The following ZNF366 variants were observed in gnomAD, a reference collection of about 807,000 sequenced individuals.
ZNF366 encodes the protein zinc finger protein 366, also known as dendritic cell-specific transcript protein.
ZNF366 carries 20 observed loss-of-function variants against 47.2 expected under a neutral mutation model. The ratio of observed to expected loss-of-function variants is 0.42; its 90% CI spans 0.30 to 0.62. The LOEUF (loss-of-function observed/expected upper bound fraction) is 0.62. Ranked by LOEUF, ZNF366 falls within the 20% of genes least tolerant of loss-of-function variation. ZNF366 has a pLI of 0.16. For missense variants in ZNF366, 987 were observed against 976.3 expected, an observed-to-expected ratio of 1.01 and a Z score of -0.15; for synonymous variants, 421 against 395.1, an observed-to-expected ratio of 1.07 and a Z score of -0.78.
chr5:72,447,525 A>T, intron 3 of ZNF366, 108 bp from the exon 4 acceptor site: 1 of 1,320,818 alleles, frequency 7.6e-7, no homozygotes, highest in South Asian at 1.5e-5. Flanking sequence ...TTGACATTTT[A>T]ATCTGCTTGC....
intron 1 of ZNF366, among the ~76,000 whole-genome samples, chr5:72,485,622 C>T (rs1485692770): frequency 1.3e-5 from 2 of 152,202 alleles, no homozygotes; most frequent in Non-Finnish European, 2.9e-5. Context: ...CCTTGGGCTC[C>T]TGTCTGCTCA....
intron 3 of ZNF366, among the ~76,000 whole-genome samples, chr5:72,455,523 C>T (rs1487951169): frequency 6.6e-6 from 1 of 152,142 alleles, no homozygotes; most frequent in South Asian, 2.1e-4. Context: ...GACACTTGGC[C>T]AGTACATCAC....
chr5:72,460,262 A>T lies in ZNF366; in HGVS notation c.1235T>A (p.Met412Lys). 6.2e-7 allele frequency: 1 copy of T among 1,614,118 alleles called. No individual in the cohort carries two copies. The highest frequency in any genetic ancestry group is 8.5e-7 in the Non-Finnish European group (1 of 1,179,986). Residue 412 changes from methionine (M) to lysine (K), a missense_variant, in exon 2 of 5, where the codon ATG (methionine) becomes AAG (lysine). Met to Lys is a moderately conservative substitution (Grantham distance 95, BLOSUM62 -1). Transcript: ENST00000318442. Reference protein sequence around the residue: ...FQYPSQLQNHMMKHKDIRPYI... With the variant: ...FQYPSQLQNHKMKHKDIRPYI... ...GGGCCGGATGTCCTTGTGCTTCATC[A>T]TGTGGTTCTGCAGCTGGCTCGGGTA...
chr5:72,454,725 C>A (rs960704731), intron 3 of ZNF366, among the ~76,000 whole-genome samples: 11 of 152,188 alleles, frequency 7.2e-5, no homozygotes, highest in African/African-American at 2.7e-4. Context: ...TGAAGAATGG[C>A]AAAGAGACCT....
At chr5:72,506,263 C>T (rs557264940) in intron 1 of ZNF366, among the ~76,000 whole-genome samples, 1 of 152,336 alleles carries the variant, frequency 6.6e-6, no homozygotes, top group South Asian at 2.1e-4. Context: ...TATTGGGAAA[C>T]ATAACGAGTC....
Position 72,443,645 on chromosome 5 carries a change from T to C in ZNF366, c.*111A>G. The stretch of plus-strand genomic sequence containing the variant: ...TCCCTGCTCATTTAGTCTAAGCCAT[T>C]TGTAGAGATTGGTACTATTCGCCAG... On this transcript the variant is annotated 3_prime_UTR_variant, in exon 5 of 5. Transcript: ENST00000318442. The C allele has an allele frequency of 8.4e-7, 1 of 1,193,406 alleles. No homozygotes were observed. Among genetic ancestry groups the C allele is most frequent in the Non-Finnish European group, 1.2e-6 (1 of 865,530 alleles). 73.9% of individuals were successfully genotyped at this position (1,193,406 alleles called of 1,614,324 possible). A position where few individuals can be genotyped will look rare whatever the true frequency, so the allele number is the denominator to read the frequency against.
At chr5:72,494,273 T>C (rs1210786166) in intron 1 of ZNF366, 2 of 152,216 alleles carry the variant, frequency 1.3e-5, no homozygotes, top group African/African-American at 2.4e-5. Flanking sequence ...TTACTCTGTC[T>C]GAGCTGTAGT....
chr5:72,480,359 T>G (rs1368944438), intron 1 of ZNF366, among the ~76,000 whole-genome samples: 1 of 152,344 alleles, frequency 6.6e-6, no homozygotes, highest in East Asian at 1.9e-4. Context: ...AGAGTTCTTT[T>G]AAGTGCTTTC....
Position 72,469,434 on chromosome 5 carries a change from A to T in ZNF366, c.-14-7924T>A, listed in dbSNP as rs981576727. On this transcript the variant is annotated intron_variant, in intron 1 of 4. Coordinates refer to ENST00000318442, the MANE Select transcript of ZNF366 (RefSeq NM_152625.3). ...AAGTGTATATGAGGATATTTAGAAA[A>T]CATCTAGCAATAGCCAAGGTGACCA... Among the ~76,000 whole-genome samples the T allele has an allele frequency of 3.3e-5, 5 of 152,324 alleles. No homozygotes were observed. In the Middle Eastern group the frequency reaches 0.014, roughly 414 times the overall value.
rs1026199880 is a variant in ZNF366 at position 72,462,543 on chromosome 5, C to T, written c.-14-1033G>A. ...TCTTTCTTTCTTTCTTTCTTTCTTT[C>T]TTTCTTTTTTTTTTTTTTTGGAGAT... is the stretch of plus-strand genomic sequence containing the variant. On this transcript the variant is annotated intron_variant, in intron 1 of 4. Transcript: ENST00000318442. Among the ~76,000 whole-genome samples the T allele has an allele frequency of 2.4e-5, 2 of 82,496 alleles. 1 individual carries two copies. The highest frequency in any genetic ancestry group is 1.3e-4 in the African/African-American group (2 of 14,886). The allele number at this position is 82,496 out of a possible 152,430, so 54.1% of individuals were successfully genotyped here.
Position 72,443,883 on chromosome 5 carries a change from C to T in ZNF366, c.2108G>A (p.Arg703Lys). The T allele has an allele frequency of 6.2e-7, 1 of 1,614,234 alleles. No homozygotes were observed. Among genetic ancestry groups the T allele is most frequent in the South Asian group, 1.1e-5 (1 of 91,084 alleles). ...CAGRDECLSLRAFQSTRRGPS... is the reference protein window; with the variant it reads ...CAGRDECLSLKAFQSTRRGPS... ...GCCCCGCCGGGTACTCTGAAAAGCC[C>T]TGAGACTGAGACACTCATCTCTGCC... is the stretch of plus-strand genomic sequence containing the variant. The change falls in exon 5 of 5, where the codon AGG (arginine) becomes AAG (lysine). Residue 703 changes from arginine to lysine, a missense_variant. Arg to Lys is a conservative substitution (Grantham distance 26). Coordinates refer to ENST00000318442, the MANE Select transcript of ZNF366 (RefSeq NM_152625.3).
chr5:72,492,275 G>A (rs1744027768), intron 1 of ZNF366, among the ~76,000 whole-genome samples: 1 of 152,142 alleles, frequency 6.6e-6, no homozygotes, highest in Non-Finnish European at 1.5e-5. Context: ...ATTCTGTAAG[G>A]CAGAAAATGG....
At chr5:72,491,684 T>C (rs959238868) in intron 1 of ZNF366, among the ~76,000 whole-genome samples, 1 of 152,196 alleles carries the variant, frequency 6.6e-6, no homozygotes, top group African/African-American at 2.4e-5. Context: ...ATTATACTAG[T>C]ATTTGGTTTT....
At chr5:72,503,669 T>C (rs532898097) in intron 1 of ZNF366, among the ~76,000 whole-genome samples, 12 of 152,276 alleles carry the variant, frequency 7.9e-5, no homozygotes, top group East Asian at 1.9e-4. Context: ...AATGCAGAGA[T>C]TGGATGAGAA....
intron 1 of ZNF366, among the ~76,000 whole-genome samples, chr5:72,481,715 A>C (rs1743793497): frequency 6.6e-6 from 1 of 152,198 alleles, no homozygotes; most frequent in Admixed American, 6.5e-5. Flanking sequence ...AAGCTCCTAC[A>C]TTTGACCCAA....
intron 1 of ZNF366, among the ~76,000 whole-genome samples, chr5:72,462,796 C>T (rs112336995): frequency 0.04 from 6,016 of 152,168 alleles, 386 homozygotes; most frequent in African/African-American, 0.13. Context: ...AGTGATCCAC[C>T]CGCCTCGGCC....
At chr5:72,473,992 A>G (rs1403367142) in intron 1 of ZNF366, among the ~76,000 whole-genome samples, 1 of 152,246 alleles carries the variant, frequency 6.6e-6, no homozygotes, top group African/African-American at 2.4e-5. Flanking sequence ...TTTAGGTTGT[A>G]TCTCCATCTG....
At chr5:72,496,128 T>C (rs537430976) in intron 1 of ZNF366, among the ~76,000 whole-genome samples, 14 of 152,286 alleles carry the variant, frequency 9.2e-5, no homozygotes, top group Non-Finnish European at 1.9e-4. Context: ...TATTGAGGTA[T>C]AATTTACATG....
intron 1 of ZNF366, among the ~76,000 whole-genome samples, chr5:72,483,229 T>C (rs866577321): frequency 7.2e-5 from 11 of 152,178 alleles, no homozygotes; most frequent in African/African-American, 2.4e-4. Context: ...CCCCTCACAA[T>C]GTCTTGGGTA....
Sources: gnomAD v4.1 joint callset for allele counts (sites outside exome capture counted in the v4.1 genomes callset) on GRCh38, gnomAD v4.1.1 for gene constraint, MANE v1.5 for transcripts, NCBI Gene and HGNC (gene_info 2026-07-23, HGNC 2026-07-21) for gene names.